The following NAV1 variants were observed in gnomAD, a reference collection of about 807,000 sequenced individuals.
The protein encoded by NAV1 is pore membrane and/or filament interacting like protein 3.
Under a neutral mutation model 175.2 loss-of-function variants are expected in NAV1, and 18 were observed. That is an observed-to-expected ratio of 0.10 (90% CI 0.07 to 0.15). The LOEUF (loss-of-function observed/expected upper bound fraction) is 0.15, where lower values mean the gene tolerates loss of function less well. Among genes scored for constraint, NAV1 ranks in the 10% least tolerant of loss-of-function variants. NAV1 has a pLI of 1.00. For missense variants in NAV1, 1,731 were observed against 2,436.6 expected (o/e 0.71, Z 6.10); for synonymous variants, 897 against 978.7 (o/e 0.92, Z 1.56).
At chr1:201,663,056 T>C (rs1030317641) in intron 1 of NAV1, among the ~76,000 whole-genome samples, 1 of 152,228 alleles carries the variant, frequency 6.6e-6, no homozygotes, top group Non-Finnish European at 1.5e-5. Context: ...GACTGGCTGC[T>C]TCTGCCCCCG....
chr1:201,786,488 G>A, exon 9 of NAV1: 5 of 1,614,050 alleles, frequency 3.1e-6, no homozygotes, highest in South Asian at 1.1e-5. Context: ...ACCATTGGTG[G>A]GCTGCCTGAA....
intron 12 of NAV1, 55 bp from the exon 17 acceptor site, chr1:201,790,633 TC>T: frequency 6.2e-7 from 1 of 1,614,000 alleles, no homozygotes; most frequent in Non-Finnish European, 8.5e-7. Context: ...TCATTTTCCT[TC>T]CAAATCTTAT....
Position 201,718,720 on chromosome 1 carries a change from C to G in NAV1, c.1191C>G (p.Gly397=), listed in dbSNP as rs759426778. The G allele has an allele frequency of 2.9e-5, 46 of 1,613,676 alleles. No individual in the cohort carries two copies. The Middle Eastern group carries it at 4.9e-4, about 17-fold the overall frequency. The stretch of plus-strand genomic sequence containing the variant: ...ACATGAGCGACAGTGACCTCATGGG[C>G]AAGACCATGACGGAGGATGATGACA... Residue 397 remains glycine (G), a synonymous_variant, in exon 3 of 30, where the codon GGC becomes GGG. Coordinates refer to ENST00000367296, the Ensembl canonical transcript of NAV1. This position sits in a 1 kb window ranked among gnomAD's most constrained non-coding sequence, Gnocchi z 4.8.
chr1:201,556,716 A>C (rs1031582892), intron 1 of NAV1, among the ~76,000 whole-genome samples: 3 of 152,204 alleles, frequency 2.0e-5, no homozygotes, highest in African/African-American at 7.2e-5. Flanking sequence ...AGGTCTAAGG[A>C]CCAGCCCTGC....
chr1:201,722,583 G>T (rs1051165129), intron 3 of NAV1, among the ~76,000 whole-genome samples: 5 of 152,116 alleles, frequency 3.3e-5, no homozygotes, highest in African/African-American at 4.8e-5. Context: ...TATTATTCAA[G>T]TCCCTGCTTT....
chr1:201,588,869 A>G (rs1474949873), intron 2 of NAV1, among the ~76,000 whole-genome samples: 2 of 151,912 alleles, frequency 1.3e-5, no homozygotes, highest in Non-Finnish European at 2.9e-5. Context: ...CTTTTTTGAA[A>G]TGGAGTCTCG....
At chr1:201,674,688 G>T (rs1397989445) in intron 1 of NAV1, among the ~76,000 whole-genome samples, 1 of 152,114 alleles carries the variant, frequency 6.6e-6, no homozygotes. Context: ...GGTGACAGAG[G>T]GAGCAAAAGA....
chr1:201,592,916 A>T (rs1367991775), intron 2 of NAV1, among the ~76,000 whole-genome samples: 1 of 152,022 alleles, frequency 6.6e-6, no homozygotes, highest in Non-Finnish European at 1.5e-5. Flanking sequence ...TCACTCTCAG[A>T]TACTACCATT....
intron 1 of NAV1, among the ~76,000 whole-genome samples, chr1:201,557,929 G>A (rs968851897): frequency 8.5e-5 from 13 of 152,212 alleles, no homozygotes; most frequent in Admixed American, 3.3e-4. Context: ...GGAACCCTGC[G>A]CAAGGGGCTT....
intron 3 of NAV1, among the ~76,000 whole-genome samples, chr1:201,768,079 C>G (rs939152973): frequency 2.0e-5 from 3 of 151,580 alleles, no homozygotes; most frequent in African/African-American, 7.3e-5. Context: ...AATCCTAACA[C>G]TTTGGGAGGC....
At chr1:201,560,458 A>G (rs1332619185) in intron 1 of NAV1, among the ~76,000 whole-genome samples, 2 of 152,118 alleles carry the variant, frequency 1.3e-5, no homozygotes, top group African/African-American at 2.4e-5. Flanking sequence ...ATCCCAAACT[A>G]CTAGTGGTCT....
At chr1:201,563,802 C>T (rs1487541858) in intron 1 of NAV1, among the ~76,000 whole-genome samples, 4 of 151,556 alleles carry the variant, frequency 2.6e-5, no homozygotes, top group African/African-American at 7.3e-5. Flanking sequence ...CTCTTTGGAC[C>T]GTAAATTCCT....
chr1:201,606,671 G>C (rs1479012831), intron 2 of NAV1, among the ~76,000 whole-genome samples: 1 of 152,176 alleles, frequency 6.6e-6, no homozygotes, highest in Non-Finnish European at 1.5e-5. Context: ...GTTATTATCT[G>C]TGTTCATTGG....
rs756934372 is a variant in NAV1 at position 201,739,980 on chromosome 1, G to C, written c.1226+21225G>C. ...TGTCAGGCGAGAGCGGTCCTGGGGGGCGCTGGGTGCCCACCCGGTGAATGG... is the reference window on the plus strand; with the variant it reads ...TGTCAGGCGAGAGCGGTCCTGGGGGCCGCTGGGTGCCCACCCGGTGAATGG... On this transcript the variant is annotated intron_variant, in intron 3 of 29. Coordinates refer to ENST00000367296, the Ensembl canonical transcript of NAV1. The C allele has an allele frequency of 2.1e-5, 30 of 1,442,188 alleles. 1 individual carries two copies. The South Asian group carries it at 4.5e-4, about 21-fold the overall frequency. The allele number at this position is 1,442,188 out of a possible 1,614,324, so 89.3% of individuals were successfully genotyped here. A position where few individuals can be genotyped will look rare whatever the true frequency, so the allele number is the denominator to read the frequency against.
At chr1:201,549,115 CTTTCTTTCTTTCT>C (rs1665761971) in intron 1 of NAV1, among the ~76,000 whole-genome samples, 1 of 149,754 alleles carries the variant, frequency 6.7e-6, no homozygotes, top group Non-Finnish European at 1.5e-5. Context: ...TTCTTTCTTT[CTTTCTTTCTTTCT>C]TTCTTTCTTT....
intron 1 of NAV1, among the ~76,000 whole-genome samples, chr1:201,692,090 G>A (rs1350074022): frequency 1.3e-5 from 2 of 152,194 alleles, no homozygotes; most frequent in East Asian, 1.9e-4. Context: ...CCTTGTGGCT[G>A]AGTTCTCGTC....
At chr1:201,697,605 C>T (rs556002166) in intron 1 of NAV1, among the ~76,000 whole-genome samples, 2 of 152,334 alleles carry the variant, frequency 1.3e-5, no homozygotes, top group African/African-American at 4.8e-5. Context: ...TGTGAAATGA[C>T]CTCTGAGGCT....
At chr1:201,638,185 C>T (rs1668660227) in intron 2 of NAV1, among the ~76,000 whole-genome samples, 1 of 152,154 alleles carries the variant, frequency 6.6e-6, no homozygotes, top group African/African-American at 2.4e-5. Context: ...AAGAAGACAA[C>T]CCAGAACCCC....
chr1:201,649,517 G>A (rs1260202403), intron 1 of NAV1, 92 bp downstream of exon 5: 3 of 1,432,712 alleles, frequency 2.1e-6, no homozygotes, highest in Non-Finnish European at 2.7e-6. Flanking sequence ...CCCTCCCCTT[G>A]CGCCTTCCCG....
Sources: allele counts gnomAD v4.1 joint callset (sites outside exome capture counted in the v4.1 genomes callset), GRCh38; gene constraint gnomAD v4.1.1; non-coding constraint Gnocchi (gnomAD v3.1); transcripts MANE v1.5; gene names NCBI Gene and HGNC (gene_info 2026-07-23, HGNC 2026-07-21).